Variants in ZNF354B observed in about 807,000 individuals in gnomAD.
ZNF354B encodes the protein zinc finger protein 354B.
A neutral mutation model predicts 12.9 loss-of-function variants in ZNF354B; 10 were observed. That is an observed-to-expected ratio of 0.77 (90% CI 0.48 to 1.31). The LOEUF (loss-of-function observed/expected upper bound fraction) is 1.31, where lower values mean the gene tolerates loss of function less well. Among genes scored for constraint, ZNF354B ranks in the 40% most tolerant of loss-of-function variants. The pLI, the probability that ZNF354B is intolerant of heterozygous loss-of-function variation, is 0.00. For missense variants in ZNF354B, 614 were observed against 711.7 expected (o/e 0.86, Z 1.56); for synonymous variants, 260 against 243.7 (o/e 1.07, Z -0.62).
chr5:178,876,565 T>C (rs1757642087), intron 4 of ZNF354B, among the ~76,000 whole-genome samples: 1 of 152,250 alleles, frequency 6.6e-6, no homozygotes, highest in African/African-American at 2.4e-5. Flanking sequence ...TTAAGTTCTG[T>C]TCACTTTTTA....
intron 4 of ZNF354B, among the ~76,000 whole-genome samples, chr5:178,870,915 C>A (rs1757553109): frequency 6.6e-6 from 1 of 152,176 alleles, no homozygotes; most frequent in South Asian, 2.1e-4. Flanking sequence ...CCATGTCAGC[C>A]TCCCAAAATG....
At chr5:178,880,349 G>A (rs1377374414) in intron 4 of ZNF354B, among the ~76,000 whole-genome samples, 3 of 151,144 alleles carry the variant, frequency 2.0e-5, no homozygotes, top group Non-Finnish European at 4.4e-5. Context: ...GTAGGGGCAC[G>A]CCACCACACC....
At position 178,869,933 on chromosome 5, in the gene ZNF354B, A is replaced by C. The variant is rs572134448; in HGVS notation, c.256+2862A>C. ...CCCAGGACAGCTTCCTTTTCCCATGAGTGCTCACTTCATTGAGAGCGTGGT... is the reference window on the plus strand; with the variant it reads ...CCCAGGACAGCTTCCTTTTCCCATGCGTGCTCACTTCATTGAGAGCGTGGT... On this transcript the variant is annotated intron_variant, in intron 4 of 4. Coordinates refer to ENST00000322434, the MANE Select transcript of ZNF354B (RefSeq NM_058230.3). 1.3e-3 allele frequency among the ~76,000 whole-genome samples: 199 copies of C among 152,160 alleles called. 2 individuals carry two copies. Among genetic ancestry groups the C allele is most frequent in the Admixed American group, 1.6e-3 (24 of 15,278 alleles).
Position 178,884,831 on chromosome 5 carries a change from C to G in ZNF354B, c.*540C>G, listed in dbSNP as rs1359883231. ...TCAATTTCCCAAAATGTGGAAAACT[C>G]AACTGCATAATTTATGGTAGTGGGG... On this transcript the variant is annotated 3_prime_UTR_variant, in exon 5 of 5. Transcript: ENST00000322434. The G allele has an allele frequency of 6.6e-6, 1 of 152,278 alleles. No homozygotes were observed. Among genetic ancestry groups the G allele is most frequent in the African/African-American group, 2.4e-5 (1 of 41,412 alleles). The allele number at this position is 152,278 out of a possible 1,614,324, so 9.4% of individuals were successfully genotyped here.
At chr5:178,866,935 C>T (rs763218694) in intron 3 of ZNF354B, 41 bp from the exon 4 acceptor site, 47 of 1,593,220 alleles carry the variant, frequency 2.9e-5, no homozygotes, top group Admixed American at 8.4e-5. Flanking sequence ...TGTGTCAAAA[C>T]GAAGACTGAG....
intron 4 of ZNF354B, among the ~76,000 whole-genome samples, chr5:178,870,078 A>C (rs1013668076): frequency 2.0e-5 from 3 of 147,334 alleles, no homozygotes; most frequent in Non-Finnish European, 3.0e-5. Context: ...TTGGGAGGCC[A>C]AGGTGGGAGG....
At chr5:178,873,694 T>TA (rs1000006789) in intron 4 of ZNF354B, among the ~76,000 whole-genome samples, 1 of 152,176 alleles carries the variant, frequency 6.6e-6, no homozygotes, top group African/African-American at 2.4e-5. Flanking sequence ...TAATGTTGGG[T>TA]AAAGTGATTA....
intron 4 of ZNF354B, among the ~76,000 whole-genome samples, chr5:178,875,850 G>A (rs1198848288): frequency 1.3e-5 from 2 of 152,146 alleles, no homozygotes; most frequent in African/African-American, 2.4e-5. Context: ...TGTGGCAGTG[G>A]CATAGGGGCT....
chr5:178,871,332 C>T (rs1409318875), intron 4 of ZNF354B, among the ~76,000 whole-genome samples: 1 of 152,188 alleles, frequency 6.6e-6, no homozygotes, highest in African/African-American at 2.4e-5. Flanking sequence ...CTGCTTTTTT[C>T]TGTCTGGGAC....
intron 4 of ZNF354B, among the ~76,000 whole-genome samples, chr5:178,880,698 T>G (rs1757704190): frequency 6.6e-6 from 1 of 151,864 alleles, no homozygotes; most frequent in Non-Finnish European, 1.5e-5. Context: ...TCTTACTGTA[T>G]TGCCCAGGCT....
chr5:178,877,647 AC>A (rs1449730674), intron 4 of ZNF354B, among the ~76,000 whole-genome samples: 1 of 152,196 alleles, frequency 6.6e-6, no homozygotes, highest in Non-Finnish European at 1.5e-5. Flanking sequence ...TGCAGTCAGA[AC>A]CCAGATCCCC....
At position 178,884,346 on chromosome 5, in the gene ZNF354B, T is replaced by G; in HGVS notation, c.*55T>G. 1 of 1,500,834 alleles carries G rather than the reference T, an allele frequency of 6.7e-7. No homozygotes were observed. The highest frequency in any genetic ancestry group is 8.9e-7 in the Non-Finnish European group (1 of 1,122,234). The allele number at this position is 1,500,834 out of a possible 1,614,324, so 93.0% of individuals were successfully genotyped here. ...ACATGCTTGAGAGTGATTTATTAAA[T>G]ATAATGAATATGAGAAAACTCTTAG... On this transcript the variant is annotated 3_prime_UTR_variant, in exon 5 of 5. Coordinates refer to ENST00000322434, the MANE Select transcript of ZNF354B (RefSeq NM_058230.3).
At position 178,884,075 on chromosome 5, in the gene ZNF354B, G is replaced by C; in HGVS notation, c.1623G>C (p.Gln541His). 1 of 1,614,044 alleles carries C rather than the reference G, an allele frequency of 6.2e-7. No homozygotes were observed. Among genetic ancestry groups the C allele is most frequent in the Non-Finnish European group, 8.5e-7 (1 of 1,179,960 alleles). Residue 541 changes from glutamine to histidine, a missense_variant, in exon 5 of 5, where the codon CAG becomes CAC. Physicochemically the swap from Gln to His is conservative, Grantham distance 24. Transcript: ENST00000322434. ...FGQSAALIQH[Q>H]RIHTGEKPFK... is the part of the protein sequence containing the mutation. Reference sequence around the variant, plus strand: ...AAAGTGCAGCTCTTATACAACATCAGAGGATTCATACAGGAGAAAAACCCT... The same window carrying C: ...AAAGTGCAGCTCTTATACAACATCACAGGATTCATACAGGAGAAAAACCCT...
chr5:178,879,464 A>G (rs566673284), intron 4 of ZNF354B, among the ~76,000 whole-genome samples: 1 of 151,922 alleles, frequency 6.6e-6, no homozygotes, highest in Non-Finnish European at 1.5e-5. Flanking sequence ...ACTGCAATCA[A>G]CGTTTCCTGG....
At chr5:178,876,656 C>T (rs147149249) in intron 4 of ZNF354B, among the ~76,000 whole-genome samples, 3 of 152,272 alleles carry the variant, frequency 2.0e-5, no homozygotes, top group Non-Finnish European at 4.4e-5. Context: ...TCCTATGGCC[C>T]GCTTAAACCT....
chr5:178,871,081 T>C (rs1757555883), intron 4 of ZNF354B, among the ~76,000 whole-genome samples: 1 of 152,212 alleles, frequency 6.6e-6, no homozygotes, highest in Non-Finnish European at 1.5e-5. Flanking sequence ...TCCAGAATTA[T>C]CTATTTAAAG....
At chr5:178,877,165 T>C (rs1757650873) in intron 4 of ZNF354B, among the ~76,000 whole-genome samples, 1 of 151,316 alleles carries the variant, frequency 6.6e-6, no homozygotes, top group Non-Finnish European at 1.5e-5. Flanking sequence ...AGTTGTTCTT[T>C]GTTTTGTTTT....
Position 178,882,807 on chromosome 5 carries a change from T to G in ZNF354B, c.355T>G (p.Phe119Val), listed in dbSNP as rs1281227477. ...KRLKRDEPWN[F>V]ISERSCIYEE... ...ATTGAAAAGGGATGAACCCTGGAAC[T>G]TCATATCAGAAAGATCCTGCATATA... The change falls in exon 5 of 5, where the codon TTC becomes GTC. Residue 119 changes from phenylalanine to valine, a missense_variant. By Grantham distance (50) the Phe-to-Val change is conservative (BLOSUM62 -1). Transcript: ENST00000322434. 1 of 1,604,360 alleles carries G rather than the reference T, an allele frequency of 6.2e-7. No individual in the cohort carries two copies. Among genetic ancestry groups the G allele is most frequent in the Admixed American group, 1.7e-5 (1 of 57,484 alleles).
rs1374061918 is a variant in ZNF354B at position 178,882,876 on chromosome 5, C to A, written c.424C>A (p.Gln142Lys). Residue 142 changes from glutamine to lysine, a missense_variant, in exon 5 of 5, where the codon CAA becomes AAA. By Grantham distance (53) the Gln-to-Lys change is moderately conservative. Coordinates refer to ENST00000322434, the MANE Select transcript of ZNF354B (RefSeq NM_058230.3). ...KKQQDKNENL[Q>K]IISVAHTKIL... ...ACAGCAGGACAAAAATGAAAATTTACAAATAATTTCAGTTGCCCATACAAA... is the reference window on the plus strand; with the variant it reads ...ACAGCAGGACAAAAATGAAAATTTAAAAATAATTTCAGTTGCCCATACAAA... 1.2e-6 allele frequency: 2 copies of A among 1,600,346 alleles called. No homozygotes were observed. The highest frequency in any genetic ancestry group is 1.4e-5 in the African/African-American group (1 of 73,800).
Sources: gnomAD v4.1 joint callset for allele counts (sites outside exome capture counted in the v4.1 genomes callset) on GRCh38, gnomAD v4.1.1 for gene constraint, MANE v1.5 for transcripts, NCBI Gene and HGNC (gene_info 2026-07-23, HGNC 2026-07-21) for gene names.